Variants in ATL1 observed in about 807,000 individuals in gnomAD.
ATL1 encodes the protein atlastin-1.
ATL1 carries 31 observed loss-of-function variants against 75.5 expected under a neutral mutation model. That is an observed-to-expected ratio of 0.41 (90% CI 0.31 to 0.55). ATL1 has a LOEUF of 0.55. ATL1 is among the 20% of genes least tolerant of loss of function. The probability of loss-of-function intolerance (pLI) is 0.27; values close to 1 mark genes in which losing one functional copy is unlikely to be tolerated. For synonymous variants in ATL1, 226 were observed against 233.3 expected (o/e 0.97, Z 0.28); for missense variants, 405 against 662.6 (o/e 0.61, Z 4.27).
At chr14:50,600,839 T>A (rs2140215118) in intron 6 of ATL1, among the ~76,000 whole-genome samples, 1 of 152,268 alleles carries the variant, frequency 6.6e-6, no homozygotes, top group East Asian at 1.9e-4. Context: ...TGGTGGCTCA[T>A]GCCTGCAATT....
chr14:50,597,220 C>CAAAAAAAAAA (rs372066395), intron 6 of ATL1, among the ~76,000 whole-genome samples: 9,551 of 106,680 alleles, frequency 0.09, 291 homozygotes, highest in African/African-American at 0.14. Context: ...AAAAAACAAA[C>CAAAAAAAAAA]AAAAAAAAAA....
intron 1 of ATL1, among the ~76,000 whole-genome samples, chr14:50,576,917 T>C (rs1481336165): frequency 6.6e-6 from 1 of 151,914 alleles, no homozygotes; most frequent in Non-Finnish European, 1.5e-5. Flanking sequence ...GTGTATATAA[T>C]ATATAGTTAC....
At chr14:50,597,319 T>C (rs1398776296) in intron 6 of ATL1, among the ~76,000 whole-genome samples, 1 of 151,562 alleles carries the variant, frequency 6.6e-6, no homozygotes, top group Non-Finnish European at 1.5e-5. Context: ...GATGGATCAA[T>C]TTTAAAAACA....
upstream of ATL1, among the ~76,000 whole-genome samples, chr14:50,555,178 C>CA (rs1480046544): frequency 1.3e-5 from 2 of 152,186 alleles, no homozygotes; most frequent in Non-Finnish European, 2.9e-5. Context: ...TGTGAATGCC[C>CA]ACACTAGAGC....
chr14:50,604,034 C>T lies in ATL1; in HGVS notation c.630+8402C>T, dbSNP rs112744552. On this transcript the variant is annotated intron_variant, in intron 6 of 13. Coordinates refer to ENST00000358385, the MANE Select transcript of ATL1 (RefSeq NM_015915.5). Reference sequence around the variant, plus strand: ...CAATTTATTGCATGCTTATTTTGTGCCATGCACTGTGCTAAGCATTTTTCT... The same window carrying T: ...CAATTTATTGCATGCTTATTTTGTGTCATGCACTGTGCTAAGCATTTTTCT... Among the ~76,000 whole-genome samples, 45 of 152,280 alleles carry T rather than the reference C, an allele frequency of 3.0e-4. 2 individuals carry two copies. The highest frequency in any genetic ancestry group is 2.4e-3 in the Admixed American group (36 of 15,290).
chr14:50,567,650 A>G (rs2038917281), intron 1 of ATL1, among the ~76,000 whole-genome samples: 1 of 152,232 alleles, frequency 6.6e-6, no homozygotes, highest in African/African-American at 2.4e-5. Flanking sequence ...TTTAAAAAAT[A>G]GTTGTCATTC....
intron 1 of ATL1, among the ~76,000 whole-genome samples, chr14:50,566,542 G>T (rs1427887164): frequency 6.6e-6 from 1 of 152,094 alleles, no homozygotes; most frequent in Non-Finnish European, 1.5e-5. Flanking sequence ...GTCTGAAATG[G>T]TATCTCATTG....
intron 6 of ATL1, among the ~76,000 whole-genome samples, chr14:50,595,971 A>T (rs2039212537): frequency 6.6e-6 from 1 of 152,126 alleles, no homozygotes; most frequent in South Asian, 2.1e-4. Context: ...TTTATGTACA[A>T]AAATTAAACA....
intron 1 of ATL1, among the ~76,000 whole-genome samples, chr14:50,585,967 C>T (rs1452689397): frequency 6.6e-6 from 1 of 151,992 alleles, no homozygotes; most frequent in Non-Finnish European, 1.5e-5. Context: ...TCTACTCATG[C>T]AAAACTAAAA....
At chr14:50,627,792 T>C (rs1320025015) in intron 11 of ATL1, among the ~76,000 whole-genome samples, 1 of 152,212 alleles carries the variant, frequency 6.6e-6, no homozygotes, top group African/African-American at 2.4e-5. Flanking sequence ...ATAAATATTA[T>C]TTTCCATGTC....
intron 6 of ATL1, among the ~76,000 whole-genome samples, chr14:50,601,604 A>G (rs895279912): frequency 2.0e-5 from 3 of 152,244 alleles, no homozygotes; most frequent in Admixed American, 2.0e-4. Context: ...CTAATGAGCC[A>G]GCTCTAAACT....
intron 6 of ATL1, among the ~76,000 whole-genome samples, chr14:50,606,539 AG>A (rs1226160660): frequency 6.6e-6 from 1 of 152,042 alleles, no homozygotes; most frequent in Admixed American, 6.6e-5. Flanking sequence ...TGCTATACAA[AG>A]TGACTCACGC....
chr14:50,630,838 A>C, intron 13 of ATL1: 1 of 366,464 alleles, frequency 2.7e-6, no homozygotes, highest in East Asian at 8.8e-5. Flanking sequence ...TCAAAGCTTA[A>C]GAAAAAATAT....
At chr14:50,591,797 G>T in intron 4 of ATL1, 158 bp downstream of exon 4, 1 of 592,924 alleles carries the variant, frequency 1.7e-6, no homozygotes. Context: ...TTCTGTGAGA[G>T]TGGAATTGTT....
At position 50,627,960 on chromosome 14, in the gene ATL1, GTGAAAAA is replaced by G. The variant is rs1186599287; in HGVS notation, c.1120-69_1120-63del. ...TATTCTAACAAACTCAACTAGCTAA[GTGAAAAA>G]TTTTGATACAGTTGCCAATTTTACT... is the stretch of plus-strand genomic sequence containing the variant. On this transcript the variant is annotated intron_variant, in intron 11 of 13. Coordinates refer to ENST00000358385, the MANE Select transcript of ATL1 (RefSeq NM_015915.5). 5 of 1,484,996 alleles carry G rather than the reference GTGAAAAA, an allele frequency of 3.4e-6. No individual in the cohort carries two copies. The African/African-American group carries it at 6.9e-5, about 21-fold the overall frequency. The allele number at this position is 1,484,996 out of a possible 1,614,324, so 92.0% of individuals were successfully genotyped here.
intron 8 of ATL1, among the ~76,000 whole-genome samples, chr14:50,614,951 A>T (rs2039401009): frequency 6.6e-6 from 1 of 152,210 alleles, no homozygotes; most frequent in African/African-American, 2.4e-5. Context: ...ATTATTAAAA[A>T]CTTCACTAAA....
At chr14:50,594,041 T>C in intron 5 of ATL1, 145 bp downstream of exon 5, 1 of 678,240 alleles carries the variant, frequency 1.5e-6, no homozygotes, top group Non-Finnish European at 2.6e-6. Context: ...TGCCTGGTAA[T>C]TACTGCCTGA....
At chr14:50,560,070 G>T, upstream of ATL1, 1 of 639,990 alleles carries the variant, frequency 1.6e-6, no homozygotes. Flanking sequence ...GGCTTGTGAT[G>T]CTGAGCTTGG....
Position 50,591,547 on chromosome 14 carries a change from T to C in ATL1, c.430T>C (p.Leu144=), listed in dbSNP as rs952431392. The change falls in exon 4 of 14, where the codon TTG becomes CTG. Residue 144 remains leucine (L), a synonymous_variant. Transcript: ENST00000358385. ...KPDGKKVAVL[L]MDTQGTFDSQ... ...TTCTTGCCTGTAGGTTGCAGTGTTA[T>C]TGATGGATACTCAGGGAACCTTTGA... The C allele has an allele frequency of 6.2e-7, 1 of 1,613,066 alleles. No individual in the cohort carries two copies. Among genetic ancestry groups the C allele is most frequent in the Non-Finnish European group, 8.5e-7 (1 of 1,179,180 alleles).
Sources: allele counts gnomAD v4.1 joint callset (sites outside exome capture counted in the v4.1 genomes callset), GRCh38; gene constraint gnomAD v4.1.1; transcripts MANE v1.5; gene names NCBI Gene and HGNC (gene_info 2026-07-23, HGNC 2026-07-21).